Variants in QSOX1 observed in about 807,000 individuals in gnomAD.
The protein encoded by QSOX1 is sulfhydryl oxidase 1.
Under a neutral mutation model 76.1 loss-of-function variants are expected in QSOX1, and 40 were observed. The ratio of observed to expected loss-of-function variants is 0.53; its 90% CI spans 0.41 to 0.68. The LOEUF (loss-of-function observed/expected upper bound fraction) is 0.68, where lower values mean the gene tolerates loss of function less well. Ranked by LOEUF, QSOX1 falls within the 30% of genes least tolerant of loss-of-function variation. The probability of loss-of-function intolerance (pLI) is 0.00; values close to 1 mark genes in which losing one functional copy is unlikely to be tolerated. For synonymous variants in QSOX1, 392 were observed against 413.1 expected, an observed-to-expected ratio of 0.95 and a Z score of 0.62; for missense variants, 931 against 974.3, an observed-to-expected ratio of 0.96 and a Z score of 0.59.
chr1:180,182,310 G>A lies in QSOX1; in HGVS notation c.743G>A (p.Arg248Gln), dbSNP rs968998313. ...CTGTTCCGGAATGGCTCTGTCTCCCGAGTCCCCGTGTGAGTATCCTGTCTC... is the reference window on the plus strand; with the variant it reads ...CTGTTCCGGAATGGCTCTGTCTCCCAAGTCCCCGTGTGAGTATCCTGTCTC... ...YLLFRNGSVSRVPVLMESRSF... is the reference protein window; with the variant it reads ...YLLFRNGSVSQVPVLMESRSF... Residue 248 changes from arginine to glutamine, a missense_variant, in exon 6 of 12, where the codon CGA (arginine) becomes CAA (glutamine). By Grantham distance (43) the Arg-to-Gln change is conservative. Transcript: ENST00000367602. 12 of 1,614,046 alleles carry A rather than the reference G, an allele frequency of 7.4e-6. No homozygotes were observed. Among genetic ancestry groups the A allele is most frequent in the African/African-American group, 6.7e-5 (5 of 74,932 alleles).
rs1663645268 is a variant in QSOX1 at position 180,201,982 on chromosome 1, A to C, written c.*4945A>C. The C allele has an allele frequency of 6.6e-6, 1 of 152,262 alleles. No individual in the cohort carries two copies. Among genetic ancestry groups the C allele is most frequent in the Admixed American group, 6.5e-5 (1 of 15,288 alleles). The allele number at this position is 152,262 out of a possible 1,614,324, so 9.4% of individuals were successfully genotyped here. A position where few individuals can be genotyped will look rare whatever the true frequency, so the allele number is the denominator to read the frequency against. ...CCTCGGCGAGGGTCAGTTGGACTGC[A>C]TAGCTGCCGGCTGAGTCTCTCTGGC... On this transcript the variant is annotated 3_prime_UTR_variant, in exon 12 of 12. Transcript: ENST00000367602.
At chr1:180,166,809 A>G (rs1464813517) in intron 2 of QSOX1, among the ~76,000 whole-genome samples, 1 of 152,062 alleles carries the variant, frequency 6.6e-6, no homozygotes, top group East Asian at 1.9e-4. Flanking sequence ...GTCTGATCTA[A>G]CTCTATAAAA....
chr1:180,198,128 C>T lies in QSOX1; in HGVS notation c.*1091C>T, dbSNP rs749959812. 1 of 454,098 alleles carries T rather than the reference C, an allele frequency of 2.2e-6. No individual in the cohort carries two copies. 28.1% of individuals were successfully genotyped at this position (454,098 alleles called of 1,614,324 possible). A position where few individuals can be genotyped will look rare whatever the true frequency, so the allele number is the denominator to read the frequency against. ...CAGCCTCACCTGGAATGCAGCCAGA[C>T]TCGATGTCCCTCAGCACACACAGCT... On this transcript the variant is annotated 3_prime_UTR_variant, in exon 12 of 12. Transcript: ENST00000367602.
At position 180,194,337 on chromosome 1, in the gene QSOX1, C is replaced by T. The variant is rs760465139; in HGVS notation, c.1413C>T (p.Asn471=). 30 of 1,604,248 alleles carry T rather than the reference C, an allele frequency of 1.9e-5. No homozygotes were observed. The highest frequency in any genetic ancestry group is 7.8e-5 in the South Asian group (7 of 90,000). The part of the protein sequence containing the change: ...AASMHRVGSP[N]AAVLWLWSSH... ...CCATGCACCGGGTGGGGAGTCCCAA[C>T]GCCGCTGTCCTCTGGCTCTGGTCTA... The change falls in exon 11 of 12, where the codon AAC becomes AAT. Residue 471 remains asparagine (N), a synonymous_variant. Transcript: ENST00000367602.
chr1:180,156,333 G>A (rs1170389546), intron 1 of QSOX1, among the ~76,000 whole-genome samples: 2 of 152,188 alleles, frequency 1.3e-5, no homozygotes, highest in African/African-American at 4.8e-5. Flanking sequence ...TGACTCTGGT[G>A]CTAGGTCGCT....
chr1:180,188,197 C>G (rs921684913), intron 8 of QSOX1, among the ~76,000 whole-genome samples: 1 of 152,194 alleles, frequency 6.6e-6, no homozygotes, highest in Non-Finnish European at 1.5e-5. Context: ...TGCTCACAGG[C>G]CCGAACCCCT....
intron 2 of QSOX1, among the ~76,000 whole-genome samples, chr1:180,168,965 T>C (rs1662701460): frequency 6.6e-6 from 1 of 152,212 alleles, no homozygotes; most frequent in African/African-American, 2.4e-5. Context: ...GAGAGTGCTT[T>C]TGGTATGATG....
intron 1 of QSOX1, among the ~76,000 whole-genome samples, chr1:180,165,526 G>A (rs1019452246): frequency 6.6e-6 from 1 of 152,238 alleles, no homozygotes; most frequent in Non-Finnish European, 1.5e-5. Flanking sequence ...CCACTGGACC[G>A]ACGGTCTAGG....
rs756288228 is a variant in QSOX1 at position 180,199,684 on chromosome 1, T to A, written c.*2647T>A. The stretch of plus-strand genomic sequence containing the variant: ...GGTCCCTGCTGCTATGGGGCTTCCG[T>A]TCTAGAGGCAAGGACAGGTTGTGAT... On this transcript the variant is annotated 3_prime_UTR_variant, in exon 12 of 12. Transcript: ENST00000367602. 1 of 151,834 alleles carries A rather than the reference T, an allele frequency of 6.6e-6. No homozygotes were observed. Among genetic ancestry groups the A allele is most frequent in the Non-Finnish European group, 1.5e-5 (1 of 67,978 alleles). The allele number at this position is 151,834 out of a possible 1,614,324, so 9.4% of individuals were successfully genotyped here.
chr1:180,172,426 C>T (rs537401691), intron 2 of QSOX1, among the ~76,000 whole-genome samples: 3 of 152,190 alleles, frequency 2.0e-5, no homozygotes, highest in African/African-American at 7.2e-5. Context: ...CTCTTGGGGT[C>T]CCTGCATCCC....
At chr1:180,187,522 C>T (rs1663204113) in intron 8 of QSOX1, among the ~76,000 whole-genome samples, 1 of 152,236 alleles carries the variant, frequency 6.6e-6, no homozygotes, top group Non-Finnish European at 1.5e-5. Context: ...AGGAGTCACC[C>T]CAGGAAGATC....
At chr1:180,184,193 C>A in intron 7 of QSOX1, 143 bp downstream of exon 7, 1 of 1,152,572 alleles carries the variant, frequency 8.7e-7, no homozygotes, top group Non-Finnish European at 1.2e-6. Flanking sequence ...GTCCCCCACC[C>A]TGGGGTCTGG....
chr1:180,196,181 G>A lies in QSOX1; in HGVS notation c.1469-81G>A. The A allele has an allele frequency of 1.3e-6, 2 of 1,494,152 alleles. No individual in the cohort carries two copies. Among genetic ancestry groups the A allele is most frequent in the Non-Finnish European group, 1.8e-6 (2 of 1,109,920 alleles). The allele number at this position is 1,494,152 out of a possible 1,614,324, so 92.6% of individuals were successfully genotyped here. A position where few individuals can be genotyped will look rare whatever the true frequency, so the allele number is the denominator to read the frequency against. On this transcript the variant is annotated intron_variant, in intron 11 of 11. Transcript: ENST00000367602. This position sits in a 1 kb window ranked among gnomAD's most constrained non-coding sequence, Gnocchi z 4.1. The stretch of plus-strand genomic sequence containing the variant: ...GCCCTTTCTGCAGACAAGGAAGCTG[G>A]CGTTCTGAGTGGAGGAGTGTGGTCT...
chr1:180,189,916 T>G (rs1310787240), intron 9 of QSOX1, among the ~76,000 whole-genome samples: 4 of 152,212 alleles, frequency 2.6e-5, no homozygotes, highest in African/African-American at 9.7e-5. Context: ...GAAGAAACAG[T>G]ACTTTGAAAA....
intron 6 of QSOX1, among the ~76,000 whole-genome samples, chr1:180,183,177 T>C (rs532142822): frequency 1.7e-4 from 26 of 152,260 alleles, no homozygotes; most frequent in Middle Eastern, 3.4e-3. Context: ...CCGAGCCATC[T>C]GCTCACCGAG....
intron 10 of QSOX1, among the ~76,000 whole-genome samples, chr1:180,191,072 G>A (rs1360041744): frequency 1.3e-5 from 2 of 152,202 alleles, no homozygotes; most frequent in African/African-American, 4.8e-5. Flanking sequence ...GCCTCGGATT[G>A]TCCACAAACT....
intron 1 of QSOX1, among the ~76,000 whole-genome samples, chr1:180,165,104 A>C (rs532217900): frequency 6.6e-6 from 1 of 152,332 alleles, no homozygotes; most frequent in African/African-American, 2.4e-5. Flanking sequence ...TGGAGATCAC[A>C]TTTCAACATG....
At position 180,154,972 on chromosome 1, in the gene QSOX1, TCGCGGTTCC is replaced by T. The variant is rs776830658; in HGVS notation, c.68_76del (p.Ala23_Pro25del). The T allele has an allele frequency of 6.6e-7, 1 of 1,505,886 alleles. No individual in the cohort carries two copies. Among genetic ancestry groups the T allele is most frequent in the African/African-American group, 1.4e-5 (1 of 69,162 alleles). The allele number at this position is 1,505,886 out of a possible 1,614,324, so 93.3% of individuals were successfully genotyped here. Reference sequence around the variant, plus strand: ...CTGCTGCTGCTGCTGCTGTGGCTGCTCGCGGTTCCCGGCGCTAACGCGGCCCCGCGGTCG... The same window carrying T: ...CTGCTGCTGCTGCTGCTGTGGCTGCTCGGCGCTAACGCGGCCCCGCGGTCG... On this transcript the variant is annotated inframe_deletion, in exon 1 of 12. Coordinates refer to ENST00000367602, the MANE Select transcript of QSOX1 (RefSeq NM_002826.5).
intron 4 of QSOX1, 103 bp downstream of exon 4, chr1:180,176,136 C>A: frequency 1.1e-6 from 1 of 900,984 alleles, no homozygotes. Flanking sequence ...AGTTTATTTT[C>A]CTTGCTGCCT....
Sources: gnomAD v4.1 joint callset for allele counts (sites outside exome capture counted in the v4.1 genomes callset) on GRCh38, gnomAD v4.1.1 for gene constraint, Gnocchi (gnomAD v3.1) non-coding constraint, MANE v1.5 for transcripts, NCBI Gene and HGNC (gene_info 2026-07-23, HGNC 2026-07-21) for gene names.